MACROD1: variants seen among roughly 807,000 people sequenced by gnomAD.
MACROD1 encodes mono-ADP ribosylhydrolase 1, also known as ADP-ribose glycohydrolase MACROD1.
In MACROD1, 31 loss-of-function variants were observed where a neutral mutation model predicts 41.4. The observed-to-expected ratio is 0.75, with a 90% CI of 0.56 to 1.01. MACROD1 has a LOEUF of 1.01. Among genes scored for constraint, MACROD1 ranks in the 50% least tolerant of loss-of-function variants. The pLI is 0.00. For synonymous variants in MACROD1, 252 were observed against 203.4 expected (o/e 1.24, Z -2.03); for missense variants, 473 against 460.0 (o/e 1.03, Z -0.26).
chr11:64,081,615 G>C (rs956978700), intron 3 of MACROD1: 21 of 128,948 alleles, frequency 1.6e-4, no homozygotes, highest in African/African-American at 5.0e-4. Flanking sequence ...AGCAAGGTGA[G>C]GAAGGGGACC....
chr11:64,130,113 C>T (rs1414190373), intron 3 of MACROD1, among the ~76,000 whole-genome samples: 1 of 151,982 alleles, frequency 6.6e-6, no homozygotes, highest in East Asian at 1.9e-4. Context: ...CTGCAGCCCC[C>T]CACCGTGCCA....
intron 3 of MACROD1, among the ~76,000 whole-genome samples, chr11:64,029,663 C>G (rs573381018): frequency 6.6e-6 from 1 of 152,266 alleles, no homozygotes; most frequent in African/African-American, 2.4e-5. Flanking sequence ...CCCCACCCCC[C>G]TCTCGGACCC....
chr11:64,025,577 C>T lies in MACROD1; in HGVS notation c.518-10296G>A, dbSNP rs576773360. On this transcript the variant is annotated intron_variant, in intron 3 of 10. Coordinates refer to ENST00000255681, the MANE Select transcript of MACROD1 (RefSeq NM_014067.4). ...TTATTTTCTTTAGAGTTTTACTATG[C>T]GTGCCCCTCAACAAGGTAAGATAGG... is the stretch of plus-strand genomic sequence containing the variant. Among the ~76,000 whole-genome samples, 11 of 152,324 alleles carry T rather than the reference C, an allele frequency of 7.2e-5. No homozygotes were observed. The South Asian group carries it at 1.0e-3, about 14-fold the overall frequency.
intron 3 of MACROD1, among the ~76,000 whole-genome samples, chr11:64,111,287 A>C (rs1200448004): frequency 6.6e-6 from 1 of 152,234 alleles, no homozygotes; most frequent in African/African-American, 2.4e-5. Flanking sequence ...AGAACTCAGC[A>C]GCCAACAGAC....
chr11:64,054,339 A>G (rs1190127226), intron 3 of MACROD1, among the ~76,000 whole-genome samples: 1 of 152,216 alleles, frequency 6.6e-6, no homozygotes, highest in Non-Finnish European at 1.5e-5. Context: ...CAAGTTTGCA[A>G]AGGAAAGAAG....
At chr11:64,000,781 C>A (rs1395817529) in intron 4 of MACROD1, among the ~76,000 whole-genome samples, 2 of 152,104 alleles carry the variant, frequency 1.3e-5, no homozygotes, top group Non-Finnish European at 2.9e-5. Flanking sequence ...CTGCCTCCGC[C>A]CGGGCCTCAG....
chr11:64,148,714 G>A (rs930325190), intron 3 of MACROD1: 1 of 985,614 alleles, frequency 1.0e-6, no homozygotes, highest in Non-Finnish European at 1.2e-6. Flanking sequence ...ACGAGGCACA[G>A]ACGCAGATTT....
chr11:64,104,880 G>A (rs1307470017), intron 3 of MACROD1, among the ~76,000 whole-genome samples: 1 of 152,206 alleles, frequency 6.6e-6, no homozygotes, highest in Non-Finnish European at 1.5e-5. Flanking sequence ...GGGATCCCAG[G>A]AGGCCAGAGG....
chr11:64,119,830 A>G (rs1403418305), intron 3 of MACROD1, among the ~76,000 whole-genome samples: 1 of 152,186 alleles, frequency 6.6e-6, no homozygotes, highest in African/African-American at 2.4e-5. Context: ...GTGGTGAGCC[A>G]TGAGATTAAA....
At chr11:64,079,611 T>C (rs1944268624) in intron 3 of MACROD1, among the ~76,000 whole-genome samples, 1 of 152,112 alleles carries the variant, frequency 6.6e-6, no homozygotes, top group Non-Finnish European at 1.5e-5. Flanking sequence ...GGAGATGGGC[T>C]AGACGGAGGC....
chr11:64,152,524 C>T, intron 1 of MACROD1, 131 bp from the exon 2 acceptor site: 1 of 715,472 alleles, frequency 1.4e-6, no homozygotes, highest in Non-Finnish European at 2.5e-6. Context: ...TCTGGGCACA[C>T]AGGGCAGGCA....
intron 3 of MACROD1, among the ~76,000 whole-genome samples, chr11:64,105,949 G>T: frequency 9.0e-6 from 1 of 111,142 alleles, no homozygotes; most frequent in South Asian, 3.2e-4. Flanking sequence ...TGAGTGGTGG[G>T]TTCCATCCGT....
At chr11:64,027,269 T>C (rs931425280) in intron 3 of MACROD1, among the ~76,000 whole-genome samples, 3 of 152,162 alleles carry the variant, frequency 2.0e-5, no homozygotes, top group Admixed American at 6.5e-5. Context: ...TGGGGTGTCA[T>C]GGCGGGTGCT....
intron 3 of MACROD1, among the ~76,000 whole-genome samples, chr11:64,099,356 C>T (rs535057608): frequency 1.3e-5 from 2 of 152,378 alleles, no homozygotes; most frequent in South Asian, 4.1e-4. Context: ...GAGGGCATCT[C>T]TTTGGATCCC....
At chr11:64,163,425 C>G (rs1174865624) in intron 1 of MACROD1, among the ~76,000 whole-genome samples, 2 of 152,238 alleles carry the variant, frequency 1.3e-5, no homozygotes, top group Non-Finnish European at 2.9e-5. Context: ...ATTCTGACCC[C>G]TAGAATAAAG....
At chr11:64,116,529 C>G in intron 3 of MACROD1, 1 of 1,614,080 alleles carries the variant, frequency 6.2e-7, no homozygotes, top group Non-Finnish European at 8.5e-7. Context: ...CACCCTCTAC[C>G]TGCAGAACAA....
intron 1 of MACROD1, 57 bp downstream of exon 1, chr11:64,165,640 C>A: frequency 7.6e-7 from 1 of 1,321,224 alleles, no homozygotes; most frequent in South Asian, 2.0e-5. Context: ...GCCGCCCAGC[C>A]GGGAAGCTCC....
intron 3 of MACROD1, among the ~76,000 whole-genome samples, chr11:64,066,219 C>T (rs1423620826): frequency 6.7e-6 from 1 of 148,660 alleles, no homozygotes; most frequent in Non-Finnish European, 1.5e-5. Context: ...ATTGCGAGAA[C>T]CTGGGAGGCG....
chr11:64,034,707 C>T (rs1943341818), intron 3 of MACROD1, among the ~76,000 whole-genome samples: 1 of 152,128 alleles, frequency 6.6e-6, no homozygotes, highest in South Asian at 2.1e-4. Context: ...GGGAGGTGGC[C>T]CCCAGGCCTC....
Sources: allele counts gnomAD v4.1 joint callset (sites outside exome capture counted in the v4.1 genomes callset), GRCh38; gene constraint gnomAD v4.1.1; transcripts MANE v1.5; gene names NCBI Gene and HGNC (gene_info 2026-07-23, HGNC 2026-07-21).